Variants in DHTKD1 observed in about 807,000 individuals in gnomAD.
DHTKD1 encodes dehydrogenase E1 and transketolase domain containing 1.
A neutral mutation model predicts 101.8 loss-of-function variants in DHTKD1; 78 were observed. The ratio of observed to expected loss-of-function variants is 0.77; its 90% confidence interval spans 0.64 to 0.93. The LOEUF (loss-of-function observed/expected upper bound fraction) is 0.93, where lower values mean the gene tolerates loss of function less well. DHTKD1 is among the 40% of genes least tolerant of loss of function. The probability of loss-of-function intolerance (pLI) is 0.00; values close to 1 mark genes in which losing one functional copy is unlikely to be tolerated. For missense variants in DHTKD1, 1,223 were observed against 1,161.7 expected, an observed-to-expected ratio of 1.05 and a Z score of -0.77; for synonymous variants, 462 against 450.3, an observed-to-expected ratio of 1.03 and a Z score of -0.33.
At chr10:12,080,431 G>A (rs1359219149) in intron 1 of DHTKD1, among the ~76,000 whole-genome samples, 3 of 151,936 alleles carry the variant, frequency 2.0e-5, no homozygotes, top group East Asian at 3.9e-4. Flanking sequence ...AAAATATGTG[G>A]GCCAGGTACA....
At chr10:12,092,382 CAG>C (rs1833004658) in intron 6 of DHTKD1, among the ~76,000 whole-genome samples, 1 of 152,038 alleles carries the variant, frequency 6.6e-6, no homozygotes, top group Non-Finnish European at 1.5e-5. Flanking sequence ...TGGTACAAGT[CAG>C]AGATCAACAC....
In DHTKD1 at chr10:12,106,411, A is replaced by G; in HGVS notation, c.2047+15A>G. Reference sequence around the variant, plus strand: ...CATCTCTGGAGGTTGGTGTCAGCGTATAGGGTGGGTACAGGTGGGGGTCCC... The same window carrying G: ...CATCTCTGGAGGTTGGTGTCAGCGTGTAGGGTGGGTACAGGTGGGGGTCCC... On this transcript the variant is annotated intron_variant, in intron 11 of 16. Coordinates refer to ENST00000263035, the MANE Select transcript of DHTKD1 (RefSeq NM_018706.7). The G allele has an allele frequency of 3.1e-6, 5 of 1,614,076 alleles. No homozygotes were observed. Among genetic ancestry groups the G allele is most frequent in the Non-Finnish European group, 4.2e-6 (5 of 1,179,974 alleles).
intron 10 of DHTKD1, among the ~76,000 whole-genome samples, chr10:12,104,306 G>C (rs1833214412): frequency 6.6e-6 from 1 of 152,038 alleles, no homozygotes; most frequent in South Asian, 2.1e-4. Flanking sequence ...AGCCTCCCAA[G>C]TAGCTGGGAC....
intron 1 of DHTKD1, among the ~76,000 whole-genome samples, chr10:12,074,689 A>C (rs1832700484): frequency 6.6e-6 from 1 of 150,962 alleles, no homozygotes. Flanking sequence ...TGCAGTGGCC[A>C]AAATCTCCAC....
At chr10:12,089,474 C>T (rs2131358791) in intron 5 of DHTKD1, among the ~76,000 whole-genome samples, 1 of 152,288 alleles carries the variant, frequency 6.6e-6, no homozygotes, top group East Asian at 1.9e-4. Context: ...GTTTTCCTTG[C>T]ATGGCTTATG....
chr10:12,102,533 T>G (rs1833187973), intron 10 of DHTKD1, among the ~76,000 whole-genome samples: 2 of 152,030 alleles, frequency 1.3e-5, no homozygotes, highest in South Asian at 2.1e-4. Flanking sequence ...AATCTACCCT[T>G]GGATCAAGTC....
chr10:12,086,410 G>A (rs1256561276), intron 3 of DHTKD1, among the ~76,000 whole-genome samples: 3 of 150,986 alleles, frequency 2.0e-5, no homozygotes, highest in Non-Finnish European at 3.0e-5. Context: ...TTAGTAGAAC[G>A]GGGTTTCACT....
chr10:12,090,456 C>T (rs1444868584), intron 5 of DHTKD1, among the ~76,000 whole-genome samples: 3 of 138,744 alleles, frequency 2.2e-5, no homozygotes, highest in Non-Finnish European at 4.6e-5. Context: ...TCCTTCCTTC[C>T]TTCCTTCCTT....
intron 13 of DHTKD1, 44 bp from the exon 14 acceptor site, chr10:12,117,629 T>A (rs372617111): frequency 1.7e-4 from 196 of 1,170,366 alleles, no homozygotes; most frequent in Admixed American, 3.9e-4. Context: ...CAGCATCACC[T>A]CTTTCTGTTG....
chr10:12,090,443 C>T (rs1389536018), intron 5 of DHTKD1, among the ~76,000 whole-genome samples: 2 of 99,586 alleles, frequency 2.0e-5, no homozygotes, highest in Non-Finnish European at 4.3e-5. Flanking sequence ...TTCCTTCCTT[C>T]CTTCCTTCCT....
intron 9 of DHTKD1, among the ~76,000 whole-genome samples, 185 bp from the exon 10 acceptor site, chr10:12,100,857 C>T (rs1312608039): frequency 6.6e-6 from 1 of 152,110 alleles, no homozygotes; most frequent in African/African-American, 2.4e-5. Context: ...CATGATACCT[C>T]TCCACTCTTA....
chr10:12,098,002 C>T lies in DHTKD1; in HGVS notation c.1671+6C>T. The T allele has an allele frequency of 1.3e-6, 2 of 1,590,836 alleles. No individual in the cohort carries two copies. The highest frequency in any genetic ancestry group is 1.1e-5 in the South Asian group (1 of 88,770). Reference sequence around the variant, plus strand: ...TGCTGAAGACACATGTTCAGGTGGGCAGCCTCCAAATGGCTGGTTATTGCT... The same window carrying T: ...TGCTGAAGACACATGTTCAGGTGGGTAGCCTCCAAATGGCTGGTTATTGCT... On this transcript the variant is annotated splice_donor_region_variant and intron_variant, in intron 8 of 16. Transcript: ENST00000263035.
chr10:12,102,338 C>T (rs1208330475), intron 10 of DHTKD1, among the ~76,000 whole-genome samples: 3 of 150,296 alleles, frequency 2.0e-5, no homozygotes, highest in Admixed American at 6.7e-5. Context: ...GCAGAAGAAT[C>T]GCTTGAACCC....
intron 5 of DHTKD1, among the ~76,000 whole-genome samples, chr10:12,091,305 G>C (rs1329091360): frequency 2.7e-5 from 4 of 150,778 alleles, no homozygotes; most frequent in African/African-American, 9.8e-5. Flanking sequence ...CCAGCTACTA[G>C]GGAAGCTGAG....
In DHTKD1 at chr10:12,101,067, A is replaced by G; in HGVS notation, c.1782A>G (p.Gln594=). The G allele has an allele frequency of 6.2e-7, 1 of 1,613,976 alleles. No homozygotes were observed. Among genetic ancestry groups the G allele is most frequent in the Non-Finnish European group, 8.5e-7 (1 of 1,180,010 alleles). Residue 594 remains glutamine, a synonymous_variant, in exon 10 of 17, where the codon CAA becomes CAG. Coordinates refer to ENST00000263035, the MANE Select transcript of DHTKD1 (RefSeq NM_018706.7). The part of the protein sequence containing the change: ...AQGFNVRLSG[Q]DVGRGTFSQR... ...GTTTTAATGTTCGTCTAAGTGGCCAAGATGTTGGTCGTGGAACTTTCAGTC... is the reference window on the plus strand; with the variant it reads ...GTTTTAATGTTCGTCTAAGTGGCCAGGATGTTGGTCGTGGAACTTTCAGTC...
chr10:12,071,629 G>C (rs550947060), intron 1 of DHTKD1, among the ~76,000 whole-genome samples: 6 of 151,580 alleles, frequency 4.0e-5, no homozygotes, highest in Middle Eastern at 3.4e-3. Flanking sequence ...AATTAGCTGG[G>C]TGTGGTGCAG....
At chr10:12,093,275 C>T (rs1833019668) in intron 6 of DHTKD1, among the ~76,000 whole-genome samples, 1 of 152,088 alleles carries the variant, frequency 6.6e-6, no homozygotes, top group Admixed American at 6.6e-5. Context: ...AACTCCTGAC[C>T]TCAGGTAATT....
In DHTKD1 at chr10:12,110,070, G is replaced by C. The variant is rs941507809; in HGVS notation, c.2154+2055G>C. The stretch of plus-strand genomic sequence containing the variant: ...TCCCAGCACTTTGGGAGGCCGAGGC[G>C]GGCGGATCATGAGGTCAGGAGATGA... On this transcript the variant is annotated intron_variant, in intron 12 of 16. Coordinates refer to ENST00000263035, the MANE Select transcript of DHTKD1 (RefSeq NM_018706.7). This position sits in a 1 kb window ranked among gnomAD's most constrained non-coding sequence, Gnocchi z 4.9. Among the ~76,000 whole-genome samples, 2 of 152,112 alleles carry C rather than the reference G, an allele frequency of 1.3e-5. No individual in the cohort carries two copies. The highest frequency in any genetic ancestry group is 2.9e-5 in the Non-Finnish European group (2 of 68,024).
chr10:12,091,704 A>G lies in DHTKD1; in HGVS notation c.1159+20A>G. 6.2e-7 allele frequency: 1 copy of G among 1,609,386 alleles called. No homozygotes were observed. The highest frequency in any genetic ancestry group is 8.5e-7 in the Non-Finnish European group (1 of 1,177,560). Reference sequence around the variant, plus strand: ...ATATTGGTACGTAACACAGGGAGGAACTGATATTGCTGAAGCCGACATGGA... The same window carrying G: ...ATATTGGTACGTAACACAGGGAGGAGCTGATATTGCTGAAGCCGACATGGA... On this transcript the variant is annotated intron_variant, in intron 6 of 16. Coordinates refer to ENST00000263035, the MANE Select transcript of DHTKD1 (RefSeq NM_018706.7).
Sources: allele counts gnomAD v4.1 joint callset (sites outside exome capture counted in the v4.1 genomes callset), GRCh38; gene constraint gnomAD v4.1.1; non-coding constraint Gnocchi (gnomAD v3.1); transcripts MANE v1.5; gene names NCBI Gene and HGNC (gene_info 2026-07-23, HGNC 2026-07-21).